The following TNFRSF8 variants were observed in gnomAD, a reference collection of about 807,000 sequenced individuals.
TNFRSF8 encodes the protein TNF receptor superfamily member 8.
In TNFRSF8, 26 loss-of-function variants were observed where a neutral mutation model predicts 70.8. The ratio of observed to expected loss-of-function variants is 0.37; its 90% CI spans 0.27 to 0.51. TNFRSF8 has a LOEUF of 0.51. TNFRSF8 is among the 20% of genes least tolerant of loss of function. TNFRSF8 has a pLI of 0.94. For synonymous variants in TNFRSF8, 356 were observed against 339.2 expected (o/e 1.05, Z -0.54); for missense variants, 720 against 807.9 (o/e 0.89, Z 1.32).
At chr1:12,121,335 G>A (rs1160585488) in intron 8 of TNFRSF8, among the ~76,000 whole-genome samples, 1 of 152,210 alleles carries the variant, frequency 6.6e-6, no homozygotes, top group South Asian at 2.1e-4. Flanking sequence ...AAAAATCTGA[G>A]AGGCGTCACG....
In TNFRSF8 at chr1:12,081,862, A is replaced by G. The variant is rs546313244; in HGVS notation, c.64-2602A>G. On this transcript the variant is annotated intron_variant, in intron 1 of 14. Coordinates refer to ENST00000263932, the MANE Select transcript of TNFRSF8 (RefSeq NM_001243.5). ...CTTCCCTAAACCAAGAAAGCCCCAC[A>G]TCGCACCAGGGGCCACCTCCTTTCT... 1.8e-3 allele frequency among the ~76,000 whole-genome samples: 271 copies of G among 152,078 alleles called. 1 individual carries two copies. The highest frequency in any genetic ancestry group is 4.8e-3 in the Admixed American group (74 of 15,270).
In TNFRSF8 at chr1:12,123,722, C is replaced by A; in HGVS notation, c.1048C>A (p.Pro350Thr). Residue 350 changes from proline (P) to threonine (T), a missense_variant, in exon 10 of 15, where the codon CCC becomes ACC. By Grantham distance (38) the Pro-to-Thr change is conservative. Coordinates refer to ENST00000263932, the MANE Select transcript of TNFRSF8 (RefSeq NM_001243.5). Reference sequence around the variant, plus strand: ...TTGGGCTTCTCCCCGCAGCACCAGCCCCACTCAGAGCTTGCTGGTGGACTC... The same window carrying A: ...TTGGGCTTCTCCCCGCAGCACCAGCACCACTCAGAGCTTGCTGGTGGACTC... ...ENGEAPASTS[P>T]TQSLLVDSQA... The A allele has an allele frequency of 6.4e-7, 1 of 1,563,594 alleles. No individual in the cohort carries two copies. Among genetic ancestry groups the A allele is most frequent in the Non-Finnish European group, 8.7e-7 (1 of 1,153,398 alleles).
chr1:12,067,641 A>G (rs1569971781), intron 1 of TNFRSF8, among the ~76,000 whole-genome samples: 1 of 150,856 alleles, frequency 6.6e-6, no homozygotes, highest in Non-Finnish European at 1.5e-5. Flanking sequence ...GTGAGCCAGC[A>G]CTCCCGCCTG....
intron 2 of TNFRSF8, among the ~76,000 whole-genome samples, chr1:12,090,736 A>G (rs1641235014): frequency 2.0e-5 from 3 of 152,188 alleles, no homozygotes; most frequent in Non-Finnish European, 2.9e-5. Context: ...CTCAATCTCA[A>G]TAAGACAAAT....
At chr1:12,106,641 G>C (rs144148679) in intron 4 of TNFRSF8, among the ~76,000 whole-genome samples, 33 of 152,138 alleles carry the variant, frequency 2.2e-4, no homozygotes, top group African/African-American at 7.0e-4. Flanking sequence ...CCGAGCTGGT[G>C]GGGGGGTGGA....
At chr1:12,069,076 C>G (rs1259089708) in intron 1 of TNFRSF8, among the ~76,000 whole-genome samples, 1 of 143,188 alleles carries the variant, frequency 7.0e-6, no homozygotes, top group Non-Finnish European at 1.5e-5. Context: ...TTTCACCATG[C>G]TGGCCAGGCT....
At chr1:12,117,207 C>T (rs1314789080) in intron 8 of TNFRSF8, among the ~76,000 whole-genome samples, 5 of 152,072 alleles carry the variant, frequency 3.3e-5, no homozygotes, top group Non-Finnish European at 5.9e-5. Context: ...CTCAGCCTCC[C>T]GAGTAGCTGG....
intron 1 of TNFRSF8, among the ~76,000 whole-genome samples, chr1:12,082,251 CAT>C (rs1641077159): frequency 6.6e-6 from 1 of 152,142 alleles, no homozygotes; most frequent in Non-Finnish European, 1.5e-5. Flanking sequence ...TTGGTAAAAA[CAT>C]ATCTTCCTGA....
intron 8 of TNFRSF8, among the ~76,000 whole-genome samples, chr1:12,117,087 T>C (rs2101016459): frequency 6.6e-6 from 1 of 152,268 alleles, no homozygotes; most frequent in Admixed American, 6.5e-5. Flanking sequence ...GTCTTTTTTT[T>C]TCCTCTTTTT....
chr1:12,063,515 C>T lies in TNFRSF8; in HGVS notation c.-84C>T, dbSNP rs939743721. On this transcript the variant is annotated 5_prime_UTR_variant, in exon 1 of 15. Transcript: ENST00000263932. This position sits in a 1 kb window ranked among gnomAD's most constrained non-coding sequence, Gnocchi z 7.2. ...GTCCACGCGCGCGGCTGAGAACCGC[C>T]GGGACCGCACGTGGGCGCCGCGCGC... The T allele has an allele frequency of 6.5e-6, 8 of 1,229,018 alleles. No homozygotes were observed. In the African/African-American group the frequency reaches 9.5e-5, roughly 15 times the overall value. The allele number at this position is 1,229,018 out of a possible 1,614,324, so 76.1% of individuals were successfully genotyped here. A position where few individuals can be genotyped will look rare whatever the true frequency, so the allele number is the denominator to read the frequency against.
Position 12,063,973 on chromosome 1 carries a change from C to T in TNFRSF8, c.63+312C>T, listed in dbSNP as rs1245065916. On this transcript the variant is annotated intron_variant, in intron 1 of 14. Transcript: ENST00000263932. This position sits in a 1 kb window ranked among gnomAD's most constrained non-coding sequence, Gnocchi z 7.2. The stretch of plus-strand genomic sequence containing the variant: ...TCTTTAGCCCGCCTACCTGCGGGCC[C>T]GTCGGGGTCCTGGGCAGATCAGGTG... Among the ~76,000 whole-genome samples the T allele has an allele frequency of 1.3e-5, 2 of 152,230 alleles. No homozygotes were observed. The highest frequency in any genetic ancestry group is 2.9e-5 in the Non-Finnish European group (2 of 68,030).
intron 8 of TNFRSF8, among the ~76,000 whole-genome samples, chr1:12,122,193 T>G (rs1641841331): frequency 6.6e-6 from 1 of 152,094 alleles, no homozygotes; most frequent in Non-Finnish European, 1.5e-5. Flanking sequence ...TTTTCTTTTT[T>G]TATTTTTACT....
At position 12,110,064 on chromosome 1, in the gene TNFRSF8, C is replaced by T; in HGVS notation, c.536C>T (p.Pro179Leu). 1 of 1,613,216 alleles carries T rather than the reference C, an allele frequency of 6.2e-7. No individual in the cohort carries two copies. Among genetic ancestry groups the T allele is most frequent in the South Asian group, 1.1e-5 (1 of 90,922 alleles). The change falls in exon 6 of 15, where the codon CCC (proline) becomes CTC (leucine). Residue 179 changes from proline (P) to leucine (L), a missense_variant. Transcript: ENST00000263932. The surrounding 1 kb of genome is among the most constrained non-coding windows in gnomAD (Gnocchi z 4.0). ...PSSGTIPQAK[P>L]TPVSPATSSA... ...AGTGGCACCATCCCCCAGGCCAAGC[C>T]CACCCCGGTGTCCCCAGCAACCTCC...
At chr1:12,087,519 C>T (rs1044398102) in intron 2 of TNFRSF8, among the ~76,000 whole-genome samples, 2 of 152,190 alleles carry the variant, frequency 1.3e-5, no homozygotes, top group African/African-American at 4.8e-5. Flanking sequence ...GCCCTCCCCT[C>T]CGTCCCTACC....
rs201286523 is a variant in TNFRSF8, at chr1:12,084,563, C to T, written c.151+12C>T. 2.0e-5 allele frequency: 32 copies of T among 1,573,018 alleles called. No homozygotes were observed. The highest frequency in any genetic ancestry group is 1.8e-4 in the East Asian group (8 of 43,950). On this transcript the variant is annotated intron_variant, in intron 2 of 14. Coordinates refer to ENST00000263932, the MANE Select transcript of TNFRSF8 (RefSeq NM_001243.5). ...CCGCTGCCCCATGGGTGAGTGGGGG[C>T]GTTGGGGGTGGGGAGAAGGGGGGAA... is the stretch of plus-strand genomic sequence containing the variant.
chr1:12,140,805 C>T (rs1462795332), intron 14 of TNFRSF8, among the ~76,000 whole-genome samples: 1 of 151,834 alleles, frequency 6.6e-6, no homozygotes, highest in Non-Finnish European at 1.5e-5. Context: ...CCCTCACTTC[C>T]CTCCCACCTG....
At chr1:12,068,393 C>T (rs1640778923) in intron 1 of TNFRSF8, among the ~76,000 whole-genome samples, 1 of 152,112 alleles carries the variant, frequency 6.6e-6, no homozygotes, top group Non-Finnish European at 1.5e-5. Flanking sequence ...AGAGTCTTGC[C>T]TACAGTTCCA....
chr1:12,118,597 A>G (rs11809684), intron 8 of TNFRSF8, among the ~76,000 whole-genome samples: 5,608 of 152,306 alleles, frequency 0.037, 348 homozygotes, highest in African/African-American at 0.13. Context: ...CGAAGTCGTT[A>G]CATCCATAAG....
intron 13 of TNFRSF8, among the ~76,000 whole-genome samples, chr1:12,137,683 G>T (rs1367362959): frequency 6.6e-6 from 1 of 151,522 alleles, no homozygotes. Flanking sequence ...TTTTTAGAAT[G>T]CTTGAGTGTG....
Sources: gnomAD v4.1 joint callset for allele counts (sites outside exome capture counted in the v4.1 genomes callset) on GRCh38, gnomAD v4.1.1 for gene constraint, Gnocchi (gnomAD v3.1) non-coding constraint, MANE v1.5 for transcripts, NCBI Gene and HGNC (gene_info 2026-07-23, HGNC 2026-07-21) for gene names.